MTR: variants seen among roughly 807,000 people sequenced by gnomAD.
MTR encodes the protein 5-methyltetrahydrofolate-homocysteine methyltransferase.
In MTR, 84 loss-of-function variants were observed where a neutral mutation model predicts 154.8. The observed-to-expected ratio is 0.54, with a 90% CI of 0.45 to 0.65. The LOEUF is 0.65. Ranked by LOEUF, MTR falls within the 30% of genes least tolerant of loss-of-function variation. The pLI is 0.00. For missense variants in MTR, 1,275 were observed against 1,570.2 expected, an observed-to-expected ratio of 0.81 and a Z score of 3.18; for synonymous variants, 554 against 553.9, an observed-to-expected ratio of 1.00 and a Z score of 0.00.
rs1660804041 is a variant in MTR at position 236,803,483 on chromosome 1, T to G, written c.90T>G (p.Ile30Met). The change falls in exon 2 of 33, where the codon ATT becomes ATG. Residue 30 changes from isoleucine (I) to methionine (M), a missense_variant. Coordinates refer to ENST00000366577, the MANE Select transcript of MTR (RefSeq NM_000254.3). ...TCAATGCCATTCTGCAGAAGAGGAT[T>G]ATGGTGCTGGATGGAGGGATGGGGA... ...DEINAILQKR[I>M]MVLDGGMGTM... 2.5e-6 allele frequency: 4 copies of G among 1,614,092 alleles called. No homozygotes were observed. Among genetic ancestry groups the G allele is most frequent in the East Asian group, 2.2e-5 (1 of 44,878 alleles).
In MTR at chr1:236,795,451, C is replaced by T. The variant is rs1217161038; in HGVS notation, c.-253C>T. On this transcript the variant is annotated 5_prime_UTR_variant, in exon 1 of 33. Coordinates refer to ENST00000366577, the MANE Select transcript of MTR (RefSeq NM_000254.3). ...CTGGCTGCTAGGCCGACACCAAGGA[C>T]TGGCCGGGTACCCGGGAAGAAAGCA... is the stretch of plus-strand genomic sequence containing the variant. 6.7e-7 allele frequency: 1 copy of T among 1,494,564 alleles called. No homozygotes were observed. Among genetic ancestry groups the T allele is most frequent in the African/African-American group, 1.4e-5 (1 of 72,132 alleles). 92.6% of individuals were successfully genotyped at this position (1,494,564 alleles called of 1,614,324 possible). A position where few individuals can be genotyped will look rare whatever the true frequency, so the allele number is the denominator to read the frequency against.
rs1222560473 is a variant in MTR, at chr1:236,850,615, TGA to T, written c.1695+93_1695+94del. On this transcript the variant is annotated intron_variant, in intron 16 of 32. Coordinates refer to ENST00000366577, the MANE Select transcript of MTR (RefSeq NM_000254.3). Reference sequence around the variant, plus strand: ...AGAACTAACTTATATATTTATTGGCTGATGAAATGTTAACATTCTTAGTTAGT... The same window carrying T: ...AGAACTAACTTATATATTTATTGGCTTGAAATGTTAACATTCTTAGTTAGT... 7.3e-4 allele frequency: 272 copies of T among 371,072 alleles called. 2 individuals carry two copies. The African/African-American group carries it at 0.016, about 22-fold the overall frequency. The allele number at this position is 371,072 out of a possible 1,614,324, so 23.0% of individuals were successfully genotyped here.
At chr1:236,895,106 G>T (rs894489533) in intron 30 of MTR, 18 of 537,128 alleles carry the variant, frequency 3.4e-5, no homozygotes, top group Middle Eastern at 5.2e-4. Flanking sequence ...TAATTTTAAG[G>T]TCTAAAATCT....
Position 236,815,471 on chromosome 1 carries a change from A to C in MTR, c.610-133A>C. ...TGGGGTTGTGCCTTATAAGGAAGAC[A>C]CTTCTTCCCAGAGAGCTTGATGTAT... On this transcript the variant is annotated intron_variant, in intron 6 of 32. Transcript: ENST00000366577. 3.5e-6 allele frequency: 3 copies of C among 862,696 alleles called. No homozygotes were observed. The Admixed American group carries it at 5.6e-5, about 16-fold the overall frequency. The allele number at this position is 862,696 out of a possible 1,614,324, so 53.4% of individuals were successfully genotyped here.
At position 236,889,337 on chromosome 1, in the gene MTR, G is replaced by C; in HGVS notation, c.3007+1G>C. On this transcript the variant is annotated splice_donor_variant, in intron 28 of 32. Transcript: ENST00000366577. LOFTEE classifies it high-confidence loss of function. ...AAGATATTTAACGACAAAACAGTAG[G>C]TTAGTGCAGTAAGTCCTTCCTTTCT... 6.2e-7 allele frequency: 1 copy of C among 1,614,176 alleles called. No individual in the cohort carries two copies. The highest frequency in any genetic ancestry group is 1.1e-5 in the South Asian group (1 of 91,084).
chr1:236,889,043 T>A, intron 27 of MTR, 138 bp from the exon 28 acceptor site: 1 of 1,038,334 alleles, frequency 9.6e-7, no homozygotes, highest in Non-Finnish European at 1.5e-6. Flanking sequence ...AAAGTTCCCC[T>A]CTTTGTAAAA....
chr1:236,842,146 T>C (rs1001123581), intron 15 of MTR, among the ~76,000 whole-genome samples: 4 of 152,098 alleles, frequency 2.6e-5, no homozygotes, highest in Non-Finnish European at 4.4e-5. Flanking sequence ...CCGCCTCGGC[T>C]TCCCAAAGTG....
intron 22 of MTR, among the ~76,000 whole-genome samples, chr1:236,869,228 A>T (rs1250104625): frequency 1.3e-5 from 2 of 152,236 alleles, no homozygotes; most frequent in Non-Finnish European, 2.9e-5. Flanking sequence ...GTCTTACATT[A>T]CAGTATTTTT....
intron 9 of MTR, 77 bp downstream of exon 9, chr1:236,824,296 G>C: frequency 8.4e-7 from 1 of 1,190,860 alleles, no homozygotes; most frequent in South Asian, 1.2e-5. Context: ...AAGAGATCTT[G>C]AATAAAAGAT....
At chr1:236,826,228 CAT>C (rs1366993110) in intron 10 of MTR, among the ~76,000 whole-genome samples, 3 of 152,194 alleles carry the variant, frequency 2.0e-5, no homozygotes, top group Admixed American at 1.3e-4. Flanking sequence ...TTATCCAACT[CAT>C]ATTCATTCAG....
At chr1:236,870,702 T>A (rs944499109) in intron 22 of MTR, among the ~76,000 whole-genome samples, 1 of 152,168 alleles carries the variant, frequency 6.6e-6, no homozygotes, top group African/African-American at 2.4e-5. Flanking sequence ...ACTTTAGACT[T>A]ACATATCCAG....
chr1:236,844,132 A>G (rs530266080), intron 15 of MTR, among the ~76,000 whole-genome samples: 281 of 152,278 alleles, frequency 1.8e-3, no homozygotes, highest in African/African-American at 6.5e-3. Context: ...CCTGTATGGT[A>G]GGAGGGGAGT....
At chr1:236,878,559 G>T (rs988925842) in intron 24 of MTR, among the ~76,000 whole-genome samples, 1 of 151,832 alleles carries the variant, frequency 6.6e-6, no homozygotes, top group African/African-American at 2.4e-5. Context: ...CACATTGGAA[G>T]AATTGTTTCA....
intron 5 of MTR, chr1:236,811,753 G>A (rs1661317087): frequency 6.6e-6 from 3 of 453,922 alleles, no homozygotes; most frequent in Admixed American, 4.7e-5. Flanking sequence ...GCATCTTTAA[G>A]CAAAATGATG....
intron 25 of MTR, among the ~76,000 whole-genome samples, chr1:236,883,527 A>G (rs1243077702): frequency 2.0e-5 from 3 of 152,202 alleles, no homozygotes. Context: ...GCAAAATGCA[A>G]GAGGGCTTTA....
intron 14 of MTR, among the ~76,000 whole-genome samples, chr1:236,836,288 G>A (rs1375388488): frequency 6.6e-6 from 1 of 151,708 alleles, no homozygotes; most frequent in Non-Finnish European, 1.5e-5. Context: ...CTGAGGCAGG[G>A]TTTTGCTCTG....
intron 12 of MTR, 121 bp downstream of exon 12, chr1:236,829,389 A>G: frequency 1.2e-6 from 1 of 854,892 alleles, no homozygotes; most frequent in Non-Finnish European, 2.0e-6. Flanking sequence ...GAATCCATAT[A>G]TTCTTGGCGC....
intron 3 of MTR, among the ~76,000 whole-genome samples, chr1:236,808,140 A>G (rs747931701): frequency 6.6e-5 from 10 of 152,220 alleles, no homozygotes; most frequent in Non-Finnish European, 1.3e-4. Context: ...CTTAAATCAT[A>G]GGCAACACTA....
At chr1:236,897,264 A>C in intron 32 of MTR, 146 bp downstream of exon 32, 1 of 687,544 alleles carries the variant, frequency 1.5e-6, no homozygotes, top group Non-Finnish European at 2.5e-6. Context: ...ATTTCAATAG[A>C]ATACCTCTAT....
Sources: allele counts gnomAD v4.1 joint callset (sites outside exome capture counted in the v4.1 genomes callset), GRCh38; gene constraint gnomAD v4.1.1; transcripts MANE v1.5; gene names NCBI Gene and HGNC (gene_info 2026-07-23, HGNC 2026-07-21).